MAP3K4: variants seen among roughly 807,000 people sequenced by gnomAD.
The protein encoded by MAP3K4 is mitogen-activated protein kinase kinase kinase 4, also known as MAP three kinase 1.
Under a neutral mutation model 185.6 loss-of-function variants are expected in MAP3K4, and 67 were observed. That is an observed-to-expected ratio of 0.36 (90% CI 0.30 to 0.44). The LOEUF (loss-of-function observed/expected upper bound fraction) is 0.44, where lower values mean the gene tolerates loss of function less well. Ranked by LOEUF, MAP3K4 falls within the 20% of genes least tolerant of loss-of-function variation. The probability of loss-of-function intolerance (pLI) is 1.00; values close to 1 mark genes in which losing one functional copy is unlikely to be tolerated. For missense variants in MAP3K4, 1,551 were observed against 1,995.1 expected (o/e 0.78, Z 4.24); for synonymous variants, 702 against 710.4 (o/e 0.99, Z 0.19).
At position 161,073,402 on chromosome 6, in the gene MAP3K4, T is replaced by TA; in HGVS notation, c.1951-63dup. ...TTTTTTGAAGATTTAAGTAGGAAGATATAAAACACGGATCGTCTGGTTGGA... is the reference window on the plus strand; with the variant it reads ...TTTTTTGAAGATTTAAGTAGGAAGATAATAAAACACGGATCGTCTGGTTGGA... On this transcript the variant is annotated intron_variant, in intron 4 of 26. Coordinates refer to ENST00000392142, the MANE Select transcript of MAP3K4 (RefSeq NM_005922.4). This position sits in a 1 kb window ranked among gnomAD's most constrained non-coding sequence, Gnocchi z 4.2. 6.9e-7 allele frequency: 1 copy of TA among 1,454,026 alleles called. No individual in the cohort carries two copies. The highest frequency in any genetic ancestry group is 9.1e-7 in the Non-Finnish European group (1 of 1,094,604). 90.1% of individuals were successfully genotyped at this position (1,454,026 alleles called of 1,614,324 possible).
intron 2 of MAP3K4, among the ~76,000 whole-genome samples, chr6:161,035,842 T>G (rs1039135625): frequency 6.6e-5 from 10 of 152,194 alleles, no homozygotes; most frequent in African/African-American, 2.4e-4. Context: ...TTCTTGTTGA[T>G]TCATACTATT....
At chr6:161,068,396 A>G (rs1784795466) in intron 3 of MAP3K4, among the ~76,000 whole-genome samples, 1 of 152,226 alleles carries the variant, frequency 6.6e-6, no homozygotes, top group Admixed American at 6.5e-5. Context: ...AACTTCTGAT[A>G]ATAAAAGGGA....
At chr6:161,089,824 C>G (rs1375990549) in intron 11 of MAP3K4, among the ~76,000 whole-genome samples, 1 of 152,172 alleles carries the variant, frequency 6.6e-6, no homozygotes, top group Non-Finnish European at 1.5e-5. Context: ...ACTAGAGGTA[C>G]TCCATATCAG....
At chr6:160,999,422 G>A (rs1453155606) in intron 1 of MAP3K4, among the ~76,000 whole-genome samples, 1 of 152,154 alleles carries the variant, frequency 6.6e-6, no homozygotes, top group Non-Finnish European at 1.5e-5. Context: ...GAGTTAGTTA[G>A]TTGTATCTGT....
rs541239079 is a variant in MAP3K4 at position 161,088,399 on chromosome 6, A to G, written c.2823+445A>G. ...AGTTTCTATAACTCATTAGTTATAAACTATGAGAAGCTTTCTCATTTATCT... is the reference window on the plus strand; with the variant it reads ...AGTTTCTATAACTCATTAGTTATAAGCTATGAGAAGCTTTCTCATTTATCT... On this transcript the variant is annotated intron_variant, in intron 10 of 26. Coordinates refer to ENST00000392142, the MANE Select transcript of MAP3K4 (RefSeq NM_005922.4). The surrounding 1 kb of genome is among the most constrained non-coding windows in gnomAD (Gnocchi z 4.5). Among the ~76,000 whole-genome samples, 57 of 152,178 alleles carry G rather than the reference A, an allele frequency of 3.7e-4. 1 individual carries two copies. Among genetic ancestry groups the G allele is most frequent in the Non-Finnish European group, 7.5e-4 (51 of 68,030 alleles).
intron 18 of MAP3K4, 79 bp downstream of exon 18, chr6:161,102,071 C>A: frequency 9.0e-7 from 1 of 1,112,948 alleles, no homozygotes; most frequent in East Asian, 2.4e-5. Context: ...GTTGTTAATG[C>A]CTTTATGAGG....
chr6:161,049,511 T>C lies in MAP3K4; in HGVS notation c.1239T>C (p.Val413=). 1 of 1,614,164 alleles carries C rather than the reference T, an allele frequency of 6.2e-7. No individual in the cohort carries two copies. Among genetic ancestry groups the C allele is most frequent in the Non-Finnish European group, 8.5e-7 (1 of 1,180,024 alleles). Residue 413 remains valine (V), a synonymous_variant, in exon 3 of 27, where the codon GTT becomes GTC. Coordinates refer to ENST00000392142, the MANE Select transcript of MAP3K4 (RefSeq NM_005922.4). The surrounding 1 kb of genome is among the most constrained non-coding windows in gnomAD (Gnocchi z 8.4). ...AGAAATTAAGGATTATGGGCACTGT[T>C]TTGGGCATCAAGAATTTATCAGACA... The part of the protein sequence containing the change: ...LNQKLRIMGT[V]LGIKNLSDIG...
intron 3 of MAP3K4, among the ~76,000 whole-genome samples, chr6:161,062,929 C>T (rs1269668477): frequency 6.6e-6 from 1 of 151,998 alleles, no homozygotes; most frequent in Admixed American, 6.6e-5. Flanking sequence ...TACAGTTTCA[C>T]ATTTTTGCTT....
Position 161,043,001 on chromosome 6 carries a change from T to G in MAP3K4, c.344-5615T>G, listed in dbSNP as rs56664760. Among the ~76,000 whole-genome samples, 33 of 152,228 alleles carry G rather than the reference T, an allele frequency of 2.2e-4. No individual in the cohort carries two copies. In the East Asian group the frequency reaches 6.4e-3, roughly 29 times the overall value. On this transcript the variant is annotated intron_variant, in intron 2 of 26. Coordinates refer to ENST00000392142, the MANE Select transcript of MAP3K4 (RefSeq NM_005922.4). This position sits in a 1 kb window ranked among gnomAD's most constrained non-coding sequence, Gnocchi z 4.3. ...GTGCATGCATGCGTGTGCCTATATA[T>G]ATGTGTGTGTAAATGTGTGTATCTG...
rs1777631474 is a variant in MAP3K4 at position 161,097,694 on chromosome 6, G to C, written c.3524+518G>C. ...GGTGGCATTTCTGCATCTTGAGGTA[G>C]TGAGCACCTTCTCTCGCCTGTATAA... On this transcript the variant is annotated intron_variant, in intron 16 of 26. Transcript: ENST00000392142. This position sits in a 1 kb window ranked among gnomAD's most constrained non-coding sequence, Gnocchi z 4.9. Among the ~76,000 whole-genome samples the C allele has an allele frequency of 6.6e-6, 1 of 152,320 alleles. No homozygotes were observed. Among genetic ancestry groups the C allele is most frequent in the East Asian group, 1.9e-4 (1 of 5,182 alleles).
intron 6 of MAP3K4, among the ~76,000 whole-genome samples, chr6:161,083,452 A>T (rs1415586064): frequency 6.6e-6 from 1 of 152,254 alleles, no homozygotes; most frequent in South Asian, 2.1e-4. Context: ...ATTGTTTCCA[A>T]TCAGACCCCT....
chr6:161,025,327 G>A (rs1309744152), intron 1 of MAP3K4, among the ~76,000 whole-genome samples: 1 of 152,182 alleles, frequency 6.6e-6, no homozygotes, highest in Non-Finnish European at 1.5e-5. Context: ...CTAGTCCCTG[G>A]ATGAACGAGC....
intron 3 of MAP3K4, among the ~76,000 whole-genome samples, chr6:161,058,032 G>A (rs952563002): frequency 2.6e-5 from 4 of 152,212 alleles, no homozygotes; most frequent in Admixed American, 1.3e-4. Context: ...AAGACTAGTA[G>A]CTAGCATTAA....
Position 161,017,857 on chromosome 6 carries a change from T to C in MAP3K4, c.153-16402T>C, listed in dbSNP as rs1180264260. Among the ~76,000 whole-genome samples the C allele has an allele frequency of 6.6e-6, 1 of 152,216 alleles. No homozygotes were observed. The highest frequency in any genetic ancestry group is 1.5e-5 in the Non-Finnish European group (1 of 68,038). ...GGTTTTCCCAAATGTGTGATGAAGC[T>C]GATTGTGCGTTATGTTATTATAACC... On this transcript the variant is annotated intron_variant, in intron 1 of 26. Coordinates refer to ENST00000392142, the MANE Select transcript of MAP3K4 (RefSeq NM_005922.4). This position sits in a 1 kb window ranked among gnomAD's most constrained non-coding sequence, Gnocchi z 5.1.
chr6:161,035,038 G>A (rs761850192), intron 2 of MAP3K4, among the ~76,000 whole-genome samples: 2 of 152,028 alleles, frequency 1.3e-5, no homozygotes, highest in Non-Finnish European at 2.9e-5. Context: ...GGAGAGTTTC[G>A]TGCTTTTTCT....
At chr6:161,013,983 A>G (rs1583108652) in intron 1 of MAP3K4, among the ~76,000 whole-genome samples, 1 of 152,010 alleles carries the variant, frequency 6.6e-6, no homozygotes, top group South Asian at 2.1e-4. Context: ...TGGTGTCTGA[A>G]CCCTGCCTCT....
chr6:161,024,998 G>GCCAT (rs928245291), intron 1 of MAP3K4, among the ~76,000 whole-genome samples: 1 of 150,604 alleles, frequency 6.6e-6, no homozygotes, highest in Non-Finnish European at 1.5e-5. Context: ...CACCCACCCA[G>GCCAT]CCATCCATCC....
Position 161,017,794 on chromosome 6 carries a change from A to G in MAP3K4, c.153-16465A>G, listed in dbSNP as rs914097367. Reference sequence around the variant, plus strand: ...CTATTATATAATACTTAGCTACATCATGTAATCAGTCACTTTGAAGGTTGA... The same window carrying G: ...CTATTATATAATACTTAGCTACATCGTGTAATCAGTCACTTTGAAGGTTGA... On this transcript the variant is annotated intron_variant, in intron 1 of 26. Transcript: ENST00000392142. This position sits in a 1 kb window ranked among gnomAD's most constrained non-coding sequence, Gnocchi z 5.1. Among the ~76,000 whole-genome samples the G allele has an allele frequency of 2.6e-5, 4 of 152,206 alleles. No individual in the cohort carries two copies. The highest frequency in any genetic ancestry group is 9.7e-5 in the African/African-American group (4 of 41,450).
intron 1 of MAP3K4, among the ~76,000 whole-genome samples, chr6:161,018,653 A>AAATGTATAAT (rs1782226223): frequency 6.6e-6 from 1 of 152,204 alleles, no homozygotes. Context: ...CAACAACAGA[A>AAATGTATAAT]AATGTATAAT....
Sources: gnomAD v4.1 joint callset for allele counts (sites outside exome capture counted in the v4.1 genomes callset) on GRCh38, gnomAD v4.1.1 for gene constraint, Gnocchi (gnomAD v3.1) non-coding constraint, MANE v1.5 for transcripts, NCBI Gene and HGNC (gene_info 2026-07-23, HGNC 2026-07-21) for gene names.